TBC1D4: variants seen among roughly 807,000 people sequenced by gnomAD.
TBC1D4 encodes TBC1 domain family member 4.
TBC1D4 carries 121 observed loss-of-function variants against 142.5 expected under a neutral mutation model. The observed-to-expected ratio is 0.85, with a 90% CI of 0.73 to 0.99. TBC1D4 has a LOEUF of 0.99. TBC1D4 is among the 50% of genes least tolerant of loss of function. The probability of loss-of-function intolerance (pLI) is 0.00; values close to 1 mark genes in which losing one functional copy is unlikely to be tolerated. For synonymous variants in TBC1D4, 630 were observed against 628.2 expected, an observed-to-expected ratio of 1.00 and a Z score of -0.04; for missense variants, 1,475 against 1,606.6, an observed-to-expected ratio of 0.92 and a Z score of 1.40.
intron 1 of TBC1D4, among the ~76,000 whole-genome samples, chr13:75,427,555 A>G (rs1886429459): frequency 6.6e-6 from 1 of 152,220 alleles, no homozygotes; most frequent in Non-Finnish European, 1.5e-5. Context: ...AAAAGAAAAA[A>G]GAAGATGGAA....
At chr13:75,425,104 T>C (rs1455566835) in intron 1 of TBC1D4, among the ~76,000 whole-genome samples, 1 of 151,462 alleles carries the variant, frequency 6.6e-6, no homozygotes. Context: ...ATATATCTGA[T>C]AAGGGGTTAA....
Position 75,310,193 on chromosome 13 carries a change from C to G in TBC1D4, c.2384-42G>C, listed in dbSNP as rs1218300246. On this transcript the variant is annotated intron_variant, in intron 13 of 20. Coordinates refer to ENST00000377636, the MANE Select transcript of TBC1D4 (RefSeq NM_014832.5). Reference sequence around the variant, plus strand: ...AGTGAGAGGCATTCCTTAGCAGTAACCCAGACTACCCAAGTTTCTGTAGAA... The same window carrying G: ...AGTGAGAGGCATTCCTTAGCAGTAAGCCAGACTACCCAAGTTTCTGTAGAA... 5.1e-6 allele frequency: 8 copies of G among 1,570,584 alleles called. No homozygotes were observed. The Admixed American group carries it at 7.1e-5, about 14-fold the overall frequency.
intron 1 of TBC1D4, among the ~76,000 whole-genome samples, chr13:75,393,340 T>C (rs1884594780): frequency 6.6e-6 from 1 of 152,124 alleles, no homozygotes; most frequent in Non-Finnish European, 1.5e-5. Context: ...ATCATTTCAG[T>C]AGAACAATTA....
At chr13:75,472,363 G>A (rs930320097) in intron 1 of TBC1D4, among the ~76,000 whole-genome samples, 3 of 152,092 alleles carry the variant, frequency 2.0e-5, no homozygotes, top group African/African-American at 7.2e-5. Context: ...AGGTTGCAGT[G>A]AGCCGAGATC....
At chr13:75,434,691 T>C (rs1886725862) in intron 1 of TBC1D4, among the ~76,000 whole-genome samples, 1 of 151,884 alleles carries the variant, frequency 6.6e-6, no homozygotes, top group Non-Finnish European at 1.5e-5. Flanking sequence ...TAAAAATGTT[T>C]TTATATAAGA....
chr13:75,343,205 T>A (rs969132006), intron 5 of TBC1D4, among the ~76,000 whole-genome samples: 5 of 152,228 alleles, frequency 3.3e-5, no homozygotes, highest in African/African-American at 9.6e-5. Context: ...TAAATAACTA[T>A]CAAGATCTCT....
Position 75,286,761 on chromosome 13 carries a change from A to G in TBC1D4, c.*31T>C. 1 of 1,602,450 alleles carries G rather than the reference A, an allele frequency of 6.2e-7. No individual in the cohort carries two copies. On this transcript the variant is annotated 3_prime_UTR_variant, in exon 21 of 21. Coordinates refer to ENST00000377636, the MANE Select transcript of TBC1D4 (RefSeq NM_014832.5). ...TCTTCCTCTCTGTAGTATTCTAAGG[A>G]GCACTTTCTGCTGAGGCCGTGCCTC...
intron 10 of TBC1D4, 64 bp downstream of exon 10, chr13:75,326,133 C>T: frequency 6.4e-7 from 1 of 1,561,262 alleles, no homozygotes; most frequent in Non-Finnish European, 8.8e-7. Context: ...CACCTTGACT[C>T]CAGAGTAATC....
At chr13:75,333,160 C>A (rs193016243) in intron 8 of TBC1D4, among the ~76,000 whole-genome samples, 180 of 152,244 alleles carry the variant, frequency 1.2e-3, no homozygotes, top group African/African-American at 4.1e-3. Context: ...TGAAATTTTT[C>A]TTTGTGTATT....
At chr13:75,289,585 T>C (rs888791282) in intron 19 of TBC1D4, among the ~76,000 whole-genome samples, 3 of 152,152 alleles carry the variant, frequency 2.0e-5, no homozygotes, top group African/African-American at 7.2e-5. Flanking sequence ...ACCAAAAGCA[T>C]TTCTAATTTA....
At chr13:75,417,180 C>T (rs1347352408) in intron 1 of TBC1D4, among the ~76,000 whole-genome samples, 1 of 152,188 alleles carries the variant, frequency 6.6e-6, no homozygotes, top group Non-Finnish European at 1.5e-5. Flanking sequence ...AGCCAGGGCC[C>T]ACATGCCAGG....
At chr13:75,292,826 T>C (rs1049010556) in intron 18 of TBC1D4, among the ~76,000 whole-genome samples, 2 of 152,140 alleles carry the variant, frequency 1.3e-5, no homozygotes, top group Admixed American at 6.5e-5. Flanking sequence ...AGCCCTGCTT[T>C]CCTACAAATA....
intron 1 of TBC1D4, among the ~76,000 whole-genome samples, chr13:75,454,436 G>A (rs1409127626): frequency 6.6e-6 from 1 of 152,050 alleles, no homozygotes; most frequent in Non-Finnish European, 1.5e-5. Context: ...TAATATAAAT[G>A]TTAGCATAAA....
chr13:75,291,500 C>G (rs1324905802), intron 19 of TBC1D4, among the ~76,000 whole-genome samples: 1 of 152,152 alleles, frequency 6.6e-6, no homozygotes, highest in African/African-American at 2.4e-5. Flanking sequence ...ATAGATGGTT[C>G]CTTCATTTGA....
chr13:75,384,102 AAAT>A lies in TBC1D4; in HGVS notation c.499-21498_499-21496del, dbSNP rs201795641. 9.4e-3 allele frequency among the ~76,000 whole-genome samples: 764 copies of A among 81,664 alleles called. 2 individuals carry two copies. Among genetic ancestry groups the A allele is most frequent in the Middle Eastern group, 0.025 (3 of 118 alleles). The allele number at this position is 81,664 out of a possible 152,430, so 53.6% of individuals were successfully genotyped here. Reference sequence around the variant, plus strand: ...CTAAAACTTAAAGTATAATAAAAAAAAATAATAATAATAATGATAAAAAGAAAA... The same window carrying A: ...CTAAAACTTAAAGTATAATAAAAAAAAATAATAATAATGATAAAAAGAAAA... On this transcript the variant is annotated intron_variant, in intron 1 of 20. Transcript: ENST00000377636.
At chr13:75,462,507 C>T (rs1888011817) in intron 1 of TBC1D4, among the ~76,000 whole-genome samples, 1 of 150,110 alleles carries the variant, frequency 6.7e-6, no homozygotes, top group African/African-American at 2.5e-5. Flanking sequence ...TTCCAGCACT[C>T]ACAAACCTCT....
At chr13:75,442,761 G>C (rs1303247571) in intron 1 of TBC1D4, among the ~76,000 whole-genome samples, 2 of 149,540 alleles carry the variant, frequency 1.3e-5, no homozygotes, top group African/African-American at 4.9e-5. Flanking sequence ...CCTGGCAACA[G>C]AGCGAGACTC....
At chr13:75,370,183 C>T (rs1883147553) in intron 1 of TBC1D4, among the ~76,000 whole-genome samples, 2 of 152,220 alleles carry the variant, frequency 1.3e-5, no homozygotes, top group South Asian at 2.1e-4. Context: ...CTGGTATGTT[C>T]AGGGAACTGT....
chr13:75,376,991 T>C (rs1372402277), intron 1 of TBC1D4, among the ~76,000 whole-genome samples: 1 of 152,258 alleles, frequency 6.6e-6, no homozygotes, highest in African/African-American at 2.4e-5. Context: ...CTGTGTTGTT[T>C]ACAACTTTTC....
Sources: gnomAD v4.1 joint callset for allele counts (sites outside exome capture counted in the v4.1 genomes callset) on GRCh38, gnomAD v4.1.1 for gene constraint, MANE v1.5 for transcripts, NCBI Gene and HGNC (gene_info 2026-07-23, HGNC 2026-07-21) for gene names.